The following ERC2 variants were observed in gnomAD, a reference collection of about 807,000 sequenced individuals.
ERC2 encodes ELKS/RAB6-interacting/CAST family member 2.
A neutral mutation model predicts 114.8 loss-of-function variants in ERC2; 42 were observed. That is an observed-to-expected ratio of 0.37 (90% confidence interval 0.29 to 0.47). The LOEUF (loss-of-function observed/expected upper bound fraction) is 0.47. Ranked by LOEUF, ERC2 falls within the 20% of genes least tolerant of loss-of-function variation. The pLI is 0.99. For synonymous variants in ERC2, 454 were observed against 425.5 expected, an observed-to-expected ratio of 1.07 and a Z score of -0.82; for missense variants, 939 against 1,150.7, an observed-to-expected ratio of 0.82 and a Z score of 2.66.
intron 17 of ERC2, among the ~76,000 whole-genome samples, chr3:55,682,099 G>A (rs1032037097): frequency 2.6e-5 from 4 of 152,092 alleles, no homozygotes; most frequent in South Asian, 2.1e-4. Flanking sequence ...GCTTTTTAAC[G>A]CTATAAAACG....
At chr3:55,852,514 A>G (rs2061616585) in intron 14 of ERC2, 1 of 154,054 alleles carries the variant, frequency 6.5e-6, no homozygotes, top group South Asian at 2.1e-4. Flanking sequence ...CAACCTGACC[A>G]CCGGGTTATC....
chr3:55,580,350 G>C (rs1300369340), intron 17 of ERC2, among the ~76,000 whole-genome samples: 1 of 152,034 alleles, frequency 6.6e-6, no homozygotes, highest in East Asian at 1.9e-4. Context: ...TTGAGGGCAA[G>C]AAACCTATTT....
chr3:55,661,372 A>C (rs2061128773), intron 17 of ERC2, among the ~76,000 whole-genome samples: 1 of 152,184 alleles, frequency 6.6e-6, no homozygotes, highest in African/African-American at 2.4e-5. Context: ...TTGGCTAAGC[A>C]TCATTCTCAG....
At chr3:55,799,299 T>C (rs1022216330) in intron 14 of ERC2, among the ~76,000 whole-genome samples, 5 of 151,748 alleles carry the variant, frequency 3.3e-5, no homozygotes, top group Non-Finnish European at 5.9e-5. Context: ...TTACATAGGA[T>C]AGAAACATTG....
chr3:55,589,868 A>G (rs563917479), intron 17 of ERC2, among the ~76,000 whole-genome samples: 3 of 152,096 alleles, frequency 2.0e-5, no homozygotes, highest in Non-Finnish European at 4.4e-5. Flanking sequence ...TGAGGAGCAC[A>G]TGGGGGCAAA....
chr3:55,535,851 G>A (rs1461925213), intron 17 of ERC2, among the ~76,000 whole-genome samples: 4 of 152,056 alleles, frequency 2.6e-5, no homozygotes, highest in Non-Finnish European at 5.9e-5. Context: ...AAAATTAGCC[G>A]GACATGGTGG....
intron 3 of ERC2, among the ~76,000 whole-genome samples, chr3:56,250,834 T>C (rs2052096477): frequency 3.9e-5 from 6 of 152,226 alleles, no homozygotes; most frequent in Admixed American, 3.9e-4. Flanking sequence ...ACTCCAAGTA[T>C]GGGACGGGGA....
chr3:56,164,113 C>T (rs1417532569), intron 4 of ERC2, among the ~76,000 whole-genome samples: 1 of 151,944 alleles, frequency 6.6e-6, no homozygotes, highest in Non-Finnish European at 1.5e-5. Flanking sequence ...TTAATAACAG[C>T]TTTCATGAGC....
intron 10 of ERC2, among the ~76,000 whole-genome samples, chr3:55,995,040 A>T (rs1416302209): frequency 6.6e-6 from 1 of 152,218 alleles, no homozygotes; most frequent in African/African-American, 2.4e-5. Flanking sequence ...TTTTAAAATA[A>T]ATAGACAACC....
At chr3:56,360,155 CCT>C (rs1018193645) in intron 2 of ERC2, among the ~76,000 whole-genome samples, 2 of 147,866 alleles carry the variant, frequency 1.4e-5, no homozygotes, top group Non-Finnish European at 3.0e-5. Context: ...AGCTCCGCCT[CCT>C]GGGTTTACGC....
At chr3:56,169,321 A>G (rs184349199) in intron 4 of ERC2, among the ~76,000 whole-genome samples, 193 of 152,354 alleles carry the variant, frequency 1.3e-3, no homozygotes, top group African/African-American at 4.1e-3. Flanking sequence ...AAAGAATATC[A>G]TTTAATGTTT....
chr3:55,998,240 TTC>T (rs200652297), intron 10 of ERC2, among the ~76,000 whole-genome samples: 2 of 151,460 alleles, frequency 1.3e-5, no homozygotes, highest in Admixed American at 6.6e-5. Context: ...CTCTCTCTCT[TTC>T]TCTCTCTCTC....
intron 12 of ERC2, among the ~76,000 whole-genome samples, chr3:55,979,869 G>A (rs2069932089): frequency 6.6e-6 from 1 of 151,916 alleles, no homozygotes; most frequent in Non-Finnish European, 1.5e-5. Context: ...ACTGGGCCCA[G>A]TAGTTCAAGG....
At chr3:56,405,887 C>CTTTTTTTT (rs72095902) in intron 2 of ERC2, among the ~76,000 whole-genome samples, 48 of 85,156 alleles carry the variant, frequency 5.6e-4, no homozygotes, top group East Asian at 1.8e-3. Context: ...ACTTTTTTTT[C>CTTTTTTTT]TTTTTTTTTT....
intron 1 of ERC2, among the ~76,000 whole-genome samples, chr3:56,460,970 A>AG (rs1397168035): frequency 6.6e-6 from 1 of 151,270 alleles, no homozygotes; most frequent in African/African-American, 2.4e-5. Context: ...AATACAAAAA[A>AG]AAAAAAAAAA....
intron 14 of ERC2, among the ~76,000 whole-genome samples, chr3:55,820,299 C>T (rs1575708204): frequency 6.6e-6 from 1 of 152,088 alleles, no homozygotes. Context: ...GGCCTGATGA[C>T]ATTGAGTAAT....
At chr3:55,948,039 T>C (rs1213376600) in intron 13 of ERC2, among the ~76,000 whole-genome samples, 1 of 152,236 alleles carries the variant, frequency 6.6e-6, no homozygotes, top group African/African-American at 2.4e-5. Context: ...TTGACTGAGG[T>C]GACGCAGGTT....
chr3:55,578,957 G>C (rs978361644), intron 17 of ERC2, among the ~76,000 whole-genome samples: 1 of 152,182 alleles, frequency 6.6e-6, no homozygotes, highest in African/African-American at 2.4e-5. Flanking sequence ...GGAGTGGGGA[G>C]AGAGACAGAG....
intron 3 of ERC2, among the ~76,000 whole-genome samples, chr3:56,182,903 A>G (rs1210263492): frequency 2.6e-5 from 4 of 152,344 alleles, no homozygotes; most frequent in East Asian, 1.9e-4. Flanking sequence ...ACCAATGTCC[A>G]TATTAGATAT....
Sources: gnomAD v4.1 joint callset for allele counts (sites outside exome capture counted in the v4.1 genomes callset) on GRCh38, gnomAD v4.1.1 for gene constraint, MANE v1.5 for transcripts, NCBI Gene and HGNC (gene_info 2026-07-23, HGNC 2026-07-21) for gene names.